The following HOXC4 variants were observed in gnomAD, a reference collection of about 807,000 sequenced individuals.
HOXC4 encodes homeobox protein Hox-C4.
In HOXC4, 15 loss-of-function variants were observed where a neutral mutation model predicts 25.5. That is an observed-to-expected ratio of 0.59 (90% confidence interval 0.39 to 0.91). The LOEUF is 0.91. Among genes scored for constraint, HOXC4 ranks in the 40% least tolerant of loss-of-function variants. The pLI is 0.00. For synonymous variants in HOXC4, 165 were observed against 148.0 expected (o/e 1.11, Z -0.83); for missense variants, 342 against 352.4 (o/e 0.97, Z 0.24).
upstream of HOXC4, among the ~76,000 whole-genome samples, chr12:54,052,361 A>G (rs1937865565): frequency 6.6e-6 from 1 of 152,216 alleles, no homozygotes; most frequent in Admixed American, 6.5e-5. Flanking sequence ...ATAAAACATA[A>G]ACAGTTAACT....
upstream of HOXC4, among the ~76,000 whole-genome samples, chr12:54,050,132 A>G (rs1261373967): frequency 1.3e-5 from 2 of 152,292 alleles, no homozygotes; most frequent in East Asian, 1.9e-4. Flanking sequence ...CAGAGAATCT[A>G]TGGAGCCGCT....
intron 1 of HOXC4, chr12:54,029,974 C>A: frequency 6.6e-7 from 1 of 1,522,384 alleles, no homozygotes; most frequent in East Asian, 2.3e-5. Context: ...CAGGACTGTC[C>A]CTGCCACCCC....
At chr12:54,027,015 C>G (rs1355582626) in intron 1 of HOXC4, among the ~76,000 whole-genome samples, 3 of 152,022 alleles carry the variant, frequency 2.0e-5, no homozygotes, top group Non-Finnish European at 4.4e-5. Flanking sequence ...TCCCCACCAC[C>G]CTTCTTTGTC....
intron 1 of HOXC4, among the ~76,000 whole-genome samples, chr12:54,025,913 C>T (rs1359889001): frequency 1.3e-5 from 2 of 152,056 alleles, no homozygotes; most frequent in African/African-American, 2.4e-5. Flanking sequence ...GCCCCAGAAG[C>T]CCCTTCTTTC....
chr12:54,018,789 G>A (rs373444969), intron 1 of HOXC4, among the ~76,000 whole-genome samples: 1 of 152,092 alleles, frequency 6.6e-6, no homozygotes, highest in Non-Finnish European at 1.5e-5. Flanking sequence ...GACGAGGTCC[G>A]AGAGAACCTG....
intron 1 of HOXC4, chr12:54,029,036 TC>T: frequency 9.8e-7 from 1 of 1,023,008 alleles, no homozygotes; most frequent in South Asian, 1.7e-5. Flanking sequence ...ACAATCACGC[TC>T]GTCTCCTCAC....
Position 54,054,107 on chromosome 12 carries a change from A to G in HOXC4, c.185A>G (p.Tyr62Cys), listed in dbSNP as rs748704957. The G allele has an allele frequency of 6.2e-6, 10 of 1,613,464 alleles. No homozygotes were observed. Among genetic ancestry groups the G allele is most frequent in the Non-Finnish European group, 7.6e-6 (9 of 1,179,850 alleles). The change falls in exon 1 of 2, where the codon TAC becomes TGC. Residue 62 changes from tyrosine to cysteine, a missense_variant. By Grantham distance (194) the Tyr-to-Cys change is radical. Coordinates refer to ENST00000430889, the MANE Select transcript of HOXC4 (RefSeq NM_153633.3). ...CCACCACCGCCTCCGCGCCCTAGCT[A>G]CCCTGAGCGCCAGTATAGCTGCACC... ...LYPPPPPRPS[Y>C]PERQYSCTSL... is the part of the protein sequence containing the mutation.
At chr12:54,022,001 T>G (rs576392043) in intron 1 of HOXC4, 1 of 152,276 alleles carries the variant, frequency 6.6e-6, no homozygotes, top group Non-Finnish European at 1.5e-5. Flanking sequence ...GGGCAGCTGT[T>G]TATAGGGTCA....
rs1406471731 is a variant in HOXC4, at chr12:54,025,097, T to A, written c.-124+7683T>A. Among the ~76,000 whole-genome samples, 3 of 152,206 alleles carry A rather than the reference T, an allele frequency of 2.0e-5. No individual in the cohort carries two copies. The East Asian group carries it at 5.8e-4, about 29-fold the overall frequency. ...GTAGCAAGGAGACCTGCAAGCCTGA[T>A]GGGGTTGGGGGGTAGTGTTCTCTGA... On this transcript the variant is annotated intron_variant, in intron 1 of 3. Coordinates refer to the HOXC4 transcript ENST00000303406.
At chr12:54,051,055 A>G (rs1937833378), upstream of HOXC4, among the ~76,000 whole-genome samples, 1 of 152,080 alleles carries the variant, frequency 6.6e-6, no homozygotes, top group African/African-American at 2.4e-5. Flanking sequence ...GACAGGCAAC[A>G]TATTGGGGAG....
chr12:54,028,089 G>T (rs1415692471), intron 1 of HOXC4, among the ~76,000 whole-genome samples: 1 of 151,980 alleles, frequency 6.6e-6, no homozygotes, highest in Non-Finnish European at 1.5e-5. Flanking sequence ...AAACCAGATT[G>T]AAAATACAGG....
intron 1 of HOXC4, chr12:54,034,046 C>T (rs1264719268): frequency 7.1e-6 from 5 of 701,068 alleles, no homozygotes; most frequent in Admixed American, 2.0e-5. Flanking sequence ...CCAACCCCCC[C>T]TCAGCCCCTC....
In HOXC4 at chr12:54,054,352, G is replaced by T. The variant is rs753600246; in HGVS notation, c.430G>T (p.Val144Phe). ...CTACCCATGGATGAAAAAAATTCAC[G>T]TTAGCACGGGTAGGCAACTTTGCTT... ...IVYPWMKKIHVSTVNPNYNGG... is the reference protein window; with the variant it reads ...IVYPWMKKIHFSTVNPNYNGG... Residue 144 changes from valine (V) to phenylalanine (F), a missense_variant, in exon 1 of 2, where the codon GTT becomes TTT. Val to Phe is a conservative substitution (Grantham distance 50). Coordinates refer to ENST00000430889, the MANE Select transcript of HOXC4 (RefSeq NM_153633.3). 24 of 1,547,184 alleles carry T rather than the reference G, an allele frequency of 1.6e-5. No homozygotes were observed. The African/African-American group carries it at 1.7e-4, about 11-fold the overall frequency.
chr12:54,053,522 G>A (rs915935862), upstream of HOXC4: 1 of 202,570 alleles, frequency 4.9e-6, no homozygotes, highest in African/African-American at 2.4e-5. Context: ...GCCCAGCAGA[G>A]GCCTGAGGGG....
chr12:54,033,668 A>T (rs911577269), intron 1 of HOXC4: 14 of 1,139,448 alleles, frequency 1.2e-5, no homozygotes, highest in Non-Finnish European at 1.7e-5. Flanking sequence ...TGCGGCCATA[A>T]ATTTTACGAT....
In HOXC4 at chr12:54,017,414, GGTAA is replaced by G. The variant is rs1252118653; in HGVS notation, c.-124+3_-124+6del. 3 of 151,982 alleles carry G rather than the reference GGTAA, an allele frequency of 2.0e-5. No individual in the cohort carries two copies. The highest frequency in any genetic ancestry group is 4.8e-5 in the African/African-American group (2 of 41,260). The allele number at this position is 151,982 out of a possible 1,614,324, so 9.4% of individuals were successfully genotyped here. ...GAGAGGGAGAGTGACAGCAGCGCTC[GGTAA>G]GTGTTTCCTTATTGGTTCAAATATG... On this transcript the variant is annotated splice_donor_variant and splice_donor_region_variant and intron_variant, in intron 1 of 3. Transcript: ENST00000303406. LOFTEE classifies it low-confidence loss of function (5UTR_SPLICE).
chr12:54,053,970 A>G lies in HOXC4; in HGVS notation c.48A>G (p.Lys16=). The stretch of plus-strand genomic sequence containing the variant: ...TGGACTCTAACTACATCGATCCGAA[A>G]TTTCCTCCATGCGAAGAATATTCGC... The part of the protein sequence containing the change: ...YLMDSNYIDP[K]FPPCEEYSQN... Residue 16 remains lysine, a synonymous_variant, in exon 1 of 2, where the codon AAA becomes AAG. Transcript: ENST00000430889. 1 of 1,614,004 alleles carries G rather than the reference A, an allele frequency of 6.2e-7. No homozygotes were observed. Among genetic ancestry groups the G allele is most frequent in the South Asian group, 1.1e-5 (1 of 91,072 alleles).
intron 1 of HOXC4, among the ~76,000 whole-genome samples, chr12:54,029,195 A>G (rs1940870884): frequency 6.6e-6 from 1 of 152,124 alleles, no homozygotes; most frequent in South Asian, 2.1e-4. Context: ...GGAGCAGAAG[A>G]TAGGGGAGCC....
At chr12:54,029,488 C>A in intron 1 of HOXC4, 1 of 397,724 alleles carries the variant, frequency 2.5e-6, no homozygotes, top group Non-Finnish European at 4.4e-6. Flanking sequence ...GGGGTCCTCG[C>A]TGTACCCCCA....
Sources: allele counts gnomAD v4.1 joint callset (sites outside exome capture counted in the v4.1 genomes callset), GRCh38; gene constraint gnomAD v4.1.1; transcripts MANE v1.5; gene names NCBI Gene and HGNC (gene_info 2026-07-23, HGNC 2026-07-21).